Variants in PRKDC observed in about 807,000 individuals in gnomAD.
PRKDC encodes protein kinase, DNA-activated, catalytic subunit, also known as DNA-dependent protein kinase catalytic subunit.
A neutral mutation model predicts 486.9 loss-of-function variants in PRKDC; 82 were observed. The ratio of observed to expected loss-of-function variants is 0.17; its 90% confidence interval spans 0.14 to 0.20. PRKDC has a LOEUF of 0.20. PRKDC is among the 10% of genes least tolerant of loss of function. The pLI is 1.00. For synonymous variants in PRKDC, 1,895 were observed against 1,837.0 expected, an observed-to-expected ratio of 1.03 and a Z score of -0.81; for missense variants, 4,504 against 5,038.2, an observed-to-expected ratio of 0.89 and a Z score of 3.21.
In PRKDC at chr8:47,908,931, G is replaced by A. The variant is rs186912605; in HGVS notation, c.2934+3479C>T. 3.8e-3 allele frequency among the ~76,000 whole-genome samples: 571 copies of A among 152,104 alleles called. 5 individuals are homozygous for A. The highest frequency in any genetic ancestry group is 0.014 in the Middle Eastern group (4 of 294). ...GCCCCTCTTCCTTACCCTAACTCTA[G>A]TCAGGCTCCTCTGAACTCTTCTCAA... On this transcript the variant is annotated intron_variant, in intron 25 of 85. Coordinates refer to ENST00000314191, the MANE Select transcript of PRKDC (RefSeq NM_006904.7).
intron 5 of PRKDC, among the ~76,000 whole-genome samples, 154 bp from the exon 6 acceptor site, chr8:47,954,073 T>A (rs1589818159): frequency 1.3e-5 from 2 of 152,224 alleles, no homozygotes; most frequent in East Asian, 1.9e-4. Flanking sequence ...CTGCATTCTT[T>A]CCTAAGTTTT....
chr8:47,846,415 C>CAA (rs200554979), intron 54 of PRKDC, among the ~76,000 whole-genome samples: 5 of 59,674 alleles, frequency 8.4e-5, no homozygotes, highest in Middle Eastern at 8.8e-3. Flanking sequence ...GACTCTGCCT[C>CAA]AAAAAAAAAA....
At chr8:47,920,215 TC>T (rs2090050568) in intron 21 of PRKDC, among the ~76,000 whole-genome samples, 1 of 152,224 alleles carries the variant, frequency 6.6e-6, no homozygotes, top group African/African-American at 2.4e-5. Context: ...GATTCACCAC[TC>T]CACACTCTAT....
At chr8:47,912,826 T>C (rs903958632) in intron 24 of PRKDC, among the ~76,000 whole-genome samples, 3 of 152,228 alleles carry the variant, frequency 2.0e-5, no homozygotes, top group African/African-American at 7.2e-5. Context: ...GTTGCCATAT[T>C]AAAGAACTAT....
chr8:47,846,931 A>G (rs972700453), intron 54 of PRKDC, among the ~76,000 whole-genome samples: 2 of 152,226 alleles, frequency 1.3e-5, no homozygotes, highest in Admixed American at 6.5e-5. Flanking sequence ...TAAAACACCT[A>G]AGAATACAGC....
intron 26 of PRKDC, 37 bp downstream of exon 26, chr8:47,904,832 G>A (rs1252628999): frequency 1.2e-5 from 16 of 1,361,080 alleles, no homozygotes; most frequent in Admixed American, 1.1e-4. Flanking sequence ...ACAACTAATC[G>A]ATGGGAGTAA....
chr8:47,955,820 C>A (rs2090691415), intron 4 of PRKDC, 54 bp downstream of exon 4: 1 of 1,398,920 alleles, frequency 7.1e-7, no homozygotes, highest in South Asian at 1.3e-5. Flanking sequence ...CTCTGATTTT[C>A]TTTTAAAAGT....
intron 68 of PRKDC, among the ~76,000 whole-genome samples, chr8:47,816,259 T>A (rs1241890120): frequency 1.3e-5 from 2 of 151,676 alleles, no homozygotes; most frequent in Middle Eastern, 3.2e-3. Flanking sequence ...GTGCCCCACG[T>A]GTGATTTGCT....
intron 59 of PRKDC, among the ~76,000 whole-genome samples, chr8:47,833,020 C>T (rs1344784708): frequency 2.0e-5 from 3 of 152,222 alleles, no homozygotes; most frequent in Admixed American, 1.3e-4. Context: ...CACAGCAGCA[C>T]TCCCGCCAGA....
chr8:47,789,395 T>TAA (rs902540153), intron 74 of PRKDC, among the ~76,000 whole-genome samples, 157 bp from the exon 75 acceptor site: 6 of 151,040 alleles, frequency 4.0e-5, no homozygotes, highest in African/African-American at 7.3e-5. Flanking sequence ...CATATATATA[T>TAA]AACCAACTAC....
intron 54 of PRKDC, among the ~76,000 whole-genome samples, chr8:47,841,136 G>A (rs1030737322): frequency 6.6e-6 from 1 of 152,112 alleles, no homozygotes; most frequent in Non-Finnish European, 1.5e-5. Context: ...GTGGAGCTCT[G>A]GGATACTAGC....
chr8:47,919,721 TG>T (rs1241745106), intron 21 of PRKDC, among the ~76,000 whole-genome samples: 66 of 147,298 alleles, frequency 4.5e-4, no homozygotes, highest in African/African-American at 1.6e-3. Flanking sequence ...CAGTTTTTAG[TG>T]GTTTTTTTTT....
At chr8:47,902,872 G>C (rs1263460682) in intron 26 of PRKDC, 77 bp from the exon 27 acceptor site, 1 of 1,095,886 alleles carries the variant, frequency 9.1e-7, no homozygotes, top group Admixed American at 3.0e-5. Context: ...GTCTATCTCT[G>C]AGCATAACTA....
At chr8:47,798,191 A>C (rs1224696899) in intron 73 of PRKDC, 46 bp downstream of exon 73, 1 of 1,575,754 alleles carries the variant, frequency 6.3e-7, no homozygotes, top group Non-Finnish European at 8.6e-7. Flanking sequence ...GCGTATCTTT[A>C]AGTTCTGTAA....
chr8:47,915,290 TA>T lies in PRKDC; in HGVS notation c.2617+37del, dbSNP rs751202357. ...GGATACATCCAAATAAAAGCACAAATATATCTACAGAGGTTATTTATTTTAA... is the reference window on the plus strand; with the variant it reads ...GGATACATCCAAATAAAAGCACAAATTATCTACAGAGGTTATTTATTTTAA... On this transcript the variant is annotated intron_variant, in intron 23 of 85. Transcript: ENST00000314191. 2.5e-6 allele frequency: 3 copies of T among 1,220,200 alleles called. No individual in the cohort carries two copies. The East Asian group carries it at 7.9e-5, about 32-fold the overall frequency. 75.6% of individuals were successfully genotyped at this position (1,220,200 alleles called of 1,614,324 possible).
chr8:47,889,213 T>C lies in PRKDC; in HGVS notation c.4081A>G (p.Lys1361Glu). The C allele has an allele frequency of 6.2e-7, 1 of 1,603,848 alleles. No individual in the cohort carries two copies. The highest frequency in any genetic ancestry group is 8.5e-7 in the Non-Finnish European group (1 of 1,174,898). ...TSPEGWKLLK[K>E]DLCNTHLMRV... ...ATCAGGTGTGTATTACACAAGTCCTTCTTCAGGAGCTGTAACAGATTGTTT... is the reference window on the plus strand; with the variant it reads ...ATCAGGTGTGTATTACACAAGTCCTCCTTCAGGAGCTGTAACAGATTGTTT... Residue 1361 changes from lysine to glutamate, a missense_variant, in exon 33 of 86, where the codon AAG (lysine) becomes GAG (glutamate). Physicochemically the swap from Lys to Glu is moderately conservative, Grantham distance 56 (BLOSUM62 1). Around this residue, in one of 6 missense-constraint regions of PRKDC, gnomAD observed 1,969 missense variants for 2,068.9 expected, o/e 0.95. Coordinates refer to ENST00000314191, the MANE Select transcript of PRKDC (RefSeq NM_006904.7).
chr8:47,904,224 A>G (rs1399664272), intron 26 of PRKDC, among the ~76,000 whole-genome samples: 1 of 152,144 alleles, frequency 6.6e-6, no homozygotes, highest in East Asian at 1.9e-4. Flanking sequence ...GAATCTGAGT[A>G]TAGGAGAAAA....
chr8:47,949,905 T>C (rs1207233418), intron 7 of PRKDC, among the ~76,000 whole-genome samples: 1 of 152,222 alleles, frequency 6.6e-6, no homozygotes, highest in African/African-American at 2.4e-5. Flanking sequence ...TGGATATAAG[T>C]AATTTTGTAA....
chr8:47,837,349 G>C lies in PRKDC; in HGVS notation c.7624C>G (p.Leu2542Val). The C allele has an allele frequency of 1.5e-5, 24 of 1,613,224 alleles. No homozygotes were observed. The highest frequency in any genetic ancestry group is 2.0e-5 in the Non-Finnish European group (24 of 1,179,182). ...PSNTLDRLLA[L>V]NSLYSPKIEV... is the part of the protein sequence containing the mutation. The stretch of plus-strand genomic sequence containing the variant: ...ATCTTAGGAGAATATAAGGAATTTA[G>C]TGCCAGCAACCGGTCCAAGGTATTT... Residue 2542 changes from leucine to valine, a missense_variant, in exon 57 of 86, where the codon CTA becomes GTA. Leu to Val is a conservative substitution (Grantham distance 32, BLOSUM62 1). Transcript: ENST00000314191.
Sources: gnomAD v4.1 joint callset for allele counts (sites outside exome capture counted in the v4.1 genomes callset) on GRCh38, gnomAD v4.1.1 for gene constraint, gnomAD v4.1.1 regional missense constraint, MANE v1.5 for transcripts, NCBI Gene and HGNC (gene_info 2026-07-23, HGNC 2026-07-21) for gene names.